The following GABRG3 variants were observed in gnomAD, a reference collection of about 807,000 sequenced individuals.
GABRG3 encodes gamma-aminobutyric acid type A receptor subunit gamma3, also known as gamma-aminobutyric acid receptor subunit gamma-3.
Under a neutral mutation model 48.8 loss-of-function variants are expected in GABRG3, and 25 were observed. That is an observed-to-expected ratio of 0.51 (90% CI 0.37 to 0.72). The LOEUF is 0.72. Among genes scored for constraint, GABRG3 ranks in the 30% least tolerant of loss-of-function variants. The pLI is 0.00. For synonymous variants in GABRG3, 227 were observed against 217.6 expected (o/e 1.04, Z -0.38); for missense variants, 394 against 577.9 (o/e 0.68, Z 3.26).
chr15:27,486,475 A>G (rs1032135002), intron 6 of GABRG3, among the ~76,000 whole-genome samples: 3 of 152,328 alleles, frequency 2.0e-5, no homozygotes, highest in Admixed American at 6.5e-5. Flanking sequence ...AAAGTATTCT[A>G]TATATGAAGT....
intron 3 of GABRG3, among the ~76,000 whole-genome samples, chr15:27,081,211 A>G (rs1210466283): frequency 1.3e-5 from 2 of 152,154 alleles, no homozygotes; most frequent in African/African-American, 4.8e-5. Context: ...CCCCACAAAC[A>G]GGTGGCTTGC....
At chr15:27,442,893 C>G (rs1365300204) in intron 5 of GABRG3, among the ~76,000 whole-genome samples, 1 of 152,176 alleles carries the variant, frequency 6.6e-6, no homozygotes, top group East Asian at 1.9e-4. Flanking sequence ...CAAGGCAGAT[C>G]AGCTGCCCAA....
At chr15:27,286,677 T>C (rs1891624196) in intron 3 of GABRG3, among the ~76,000 whole-genome samples, 1 of 152,204 alleles carries the variant, frequency 6.6e-6, no homozygotes, top group Non-Finnish European at 1.5e-5. Context: ...TCTAGAGAGC[T>C]CAAGTGCTTT....
chr15:27,120,268 A>G (rs1897708651), intron 3 of GABRG3, among the ~76,000 whole-genome samples: 1 of 152,146 alleles, frequency 6.6e-6, no homozygotes, highest in Non-Finnish European at 1.5e-5. Context: ...TTGCATTGCT[A>G]CTCATCTCAT....
chr15:27,145,329 G>A (rs1898178731), intron 3 of GABRG3, among the ~76,000 whole-genome samples: 1 of 151,460 alleles, frequency 6.6e-6, no homozygotes, highest in Non-Finnish European at 1.5e-5. Context: ...ACCAAATGGA[G>A]ATTGTAAAAA....
At position 27,236,828 on chromosome 15, in the gene GABRG3, G is replaced by A. The variant is rs971718158; in HGVS notation, c.271-89981G>A. 4.6e-5 allele frequency among the ~76,000 whole-genome samples: 7 copies of A among 152,184 alleles called. No individual in the cohort carries two copies. Among genetic ancestry groups the A allele is most frequent in the Admixed American group, 2.0e-4 (3 of 15,306 alleles). ...AGAGGCATGAAGCGCAATTGCACGTGTGTTTGTTTTATCAATATTCGTGAT... is the reference window on the plus strand; with the variant it reads ...AGAGGCATGAAGCGCAATTGCACGTATGTTTGTTTTATCAATATTCGTGAT... On this transcript the variant is annotated intron_variant, in intron 3 of 9. Transcript: ENST00000615808. This position sits in a 1 kb window ranked among gnomAD's most constrained non-coding sequence, Gnocchi z 4.4.
At chr15:27,230,786 C>T (rs943618799) in intron 3 of GABRG3, among the ~76,000 whole-genome samples, 9 of 148,154 alleles carry the variant, frequency 6.1e-5, no homozygotes, top group Middle Eastern at 3.4e-3. Context: ...AGCCACCAAA[C>T]GACTTAGCTC....
intron 8 of GABRG3, 21 bp from the exon 9 acceptor site, chr15:27,527,912 T>C (rs756304533): frequency 1.3e-6 from 2 of 1,542,384 alleles, no homozygotes; most frequent in African/African-American, 2.7e-5. Context: ...TTCCTAGTTA[T>C]TTTTTCTTCT....
At position 27,109,776 on chromosome 15, in the gene GABRG3, G is replaced by A. The variant is rs563942162; in HGVS notation, c.270+82955G>A. Among the ~76,000 whole-genome samples the A allele has an allele frequency of 2.0e-5, 3 of 152,292 alleles. No individual in the cohort carries two copies. In the South Asian group the frequency reaches 6.2e-4, roughly 32 times the overall value. On this transcript the variant is annotated intron_variant, in intron 3 of 9. Transcript: ENST00000615808. ...ACGTGTCTGTGGTCCCAGCTACTCG[G>A]GAGGCTGAGGCAGGAAAATCACTTG...
chr15:27,258,995 A>G (rs796821310), intron 3 of GABRG3, among the ~76,000 whole-genome samples: 1 of 152,072 alleles, frequency 6.6e-6, no homozygotes. Context: ...ACATGAAAAC[A>G]TGTGGTATTT....
At chr15:27,322,171 T>C (rs1243930915) in intron 3 of GABRG3, among the ~76,000 whole-genome samples, 1 of 152,242 alleles carries the variant, frequency 6.6e-6, no homozygotes, top group African/African-American at 2.4e-5. Context: ...AATATTTCTA[T>C]GTGGGTGGGA....
chr15:27,050,991 T>A (rs1301461328), intron 3 of GABRG3, among the ~76,000 whole-genome samples: 1 of 152,222 alleles, frequency 6.6e-6, no homozygotes, highest in African/African-American at 2.4e-5. Flanking sequence ...CCAAATATGG[T>A]CAAATTTATA....
intron 3 of GABRG3, among the ~76,000 whole-genome samples, chr15:27,178,843 C>T (rs1887830176): frequency 6.6e-6 from 1 of 152,178 alleles, no homozygotes; most frequent in Non-Finnish European, 1.5e-5. Context: ...TGATGACCTA[C>T]AGTCAAACAA....
chr15:27,271,554 A>G (rs1316493427), intron 3 of GABRG3: 1 of 455,972 alleles, frequency 2.2e-6, no homozygotes, highest in Non-Finnish European at 4.4e-6. Context: ...AGCTGGGGTG[A>G]GGGGTACAGA....
chr15:27,308,294 T>TCC (rs1892793477), intron 3 of GABRG3, among the ~76,000 whole-genome samples: 4 of 134,366 alleles, frequency 3.0e-5, no homozygotes, highest in African/African-American at 1.2e-4. Flanking sequence ...CGTTTATATA[T>TCC]AAACATCATA....
At chr15:27,403,914 CAA>C (rs528760544) in intron 5 of GABRG3, among the ~76,000 whole-genome samples, 5 of 68,556 alleles carry the variant, frequency 7.3e-5, no homozygotes, top group East Asian at 3.0e-4. Flanking sequence ...CAAAAAAAAA[CAA>C]AAAAAAAAAA....
chr15:27,528,753 A>G (rs1182177340), intron 9 of GABRG3, among the ~76,000 whole-genome samples: 4 of 152,160 alleles, frequency 2.6e-5, no homozygotes, highest in Non-Finnish European at 5.9e-5. Context: ...ATTTTTGGGA[A>G]TTGCTTTTAA....
chr15:27,517,252 T>C (rs1297421463), intron 6 of GABRG3, among the ~76,000 whole-genome samples: 3 of 151,990 alleles, frequency 2.0e-5, no homozygotes, highest in Non-Finnish European at 4.4e-5. Flanking sequence ...GCACTGGGAC[T>C]TTGTCTGATG....
chr15:27,270,804 T>TTA (rs1221864435), intron 3 of GABRG3, among the ~76,000 whole-genome samples: 1 of 152,198 alleles, frequency 6.6e-6, no homozygotes, highest in Non-Finnish European at 1.5e-5. Flanking sequence ...ATTATACAGC[T>TTA]TATACGTGCA....
Sources: gnomAD v4.1 joint callset for allele counts (sites outside exome capture counted in the v4.1 genomes callset) on GRCh38, gnomAD v4.1.1 for gene constraint, Gnocchi (gnomAD v3.1) non-coding constraint, MANE v1.5 for transcripts, NCBI Gene and HGNC (gene_info 2026-07-23, HGNC 2026-07-21) for gene names.